The following PTPRD variants were observed in gnomAD, a reference collection of about 807,000 sequenced individuals.
The protein encoded by PTPRD is protein tyrosine phosphatase receptor type D.
PTPRD carries 34 observed loss-of-function variants against 214.5 expected under a neutral mutation model. The observed-to-expected ratio is 0.16, with a 90% CI of 0.12 to 0.21. The LOEUF is 0.21. Among genes scored for constraint, PTPRD ranks in the 10% least tolerant of loss-of-function variants. The pLI, the probability that PTPRD is intolerant of heterozygous loss-of-function variation, is 1.00. For synonymous variants in PTPRD, 1,128 were observed against 845.7 expected, an observed-to-expected ratio of 1.33 and a Z score of -5.79; for missense variants, 2,545 against 2,398.7, an observed-to-expected ratio of 1.06 and a Z score of -1.27.
chr9:9,956,125 A>G (rs901516972), intron 4 of PTPRD, among the ~76,000 whole-genome samples: 1 of 152,166 alleles, frequency 6.6e-6, no homozygotes, highest in Non-Finnish European at 1.5e-5. Flanking sequence ...AATCTAATAT[A>G]TGGTCTTCAT....
At chr9:9,763,245 C>T (rs2098676101) in intron 6 of PTPRD, among the ~76,000 whole-genome samples, 1 of 152,108 alleles carries the variant, frequency 6.6e-6, no homozygotes, top group Admixed American at 6.5e-5. Flanking sequence ...CATATGCATA[C>T]CCATGACATA....
At chr9:9,704,451 G>A (rs1052307820) in intron 7 of PTPRD, among the ~76,000 whole-genome samples, 1 of 152,114 alleles carries the variant, frequency 6.6e-6, no homozygotes, top group Non-Finnish European at 1.5e-5. Flanking sequence ...AATCTGGTTT[G>A]TCATTCCCCA....
At chr9:9,177,568 A>G (rs1434981454) in intron 10 of PTPRD, among the ~76,000 whole-genome samples, 5 of 152,260 alleles carry the variant, frequency 3.3e-5, no homozygotes, top group Non-Finnish European at 4.4e-5. Context: ...CTCAAATTAA[A>G]CTTAATTTTA....
rs1555212645 is a variant in PTPRD at position 9,310,920 on chromosome 9, G to GATAGATAA, written c.-203+86528_-203+86529insTTATCTAT. On this transcript the variant is annotated intron_variant, in intron 9 of 45. Transcript: ENST00000381196. The stretch of plus-strand genomic sequence containing the variant: ...GCAACAAGAGCAAAGCTGTGTCTCA[G>GATAGATAA]ATAAATAAATAAATAAATAAATAAA... 2.2e-5 allele frequency among the ~76,000 whole-genome samples: 3 copies of GATAGATAA among 138,448 alleles called. No individual in the cohort carries two copies. In the Admixed American group the frequency reaches 2.2e-4, roughly 10 times the overall value. 90.8% of individuals were successfully genotyped at this position (138,448 alleles called of 152,430 possible). A position where few individuals can be genotyped will look rare whatever the true frequency, so the allele number is the denominator to read the frequency against.
At chr9:9,577,783 C>G (rs534290353) in intron 7 of PTPRD, among the ~76,000 whole-genome samples, 3 of 151,700 alleles carry the variant, frequency 2.0e-5, no homozygotes, top group African/African-American at 7.3e-5. Flanking sequence ...CGGTGGCTCA[C>G]GCCTGTAATC....
intron 10 of PTPRD, among the ~76,000 whole-genome samples, chr9:9,099,242 G>C (rs768018171): frequency 1.7e-4 from 26 of 152,116 alleles, no homozygotes; most frequent in Non-Finnish European, 3.5e-4. Flanking sequence ...AACTATGTTG[G>C]TGATATTCTA....
intron 7 of PTPRD, among the ~76,000 whole-genome samples, chr9:9,599,711 C>T (rs1191670102): frequency 6.6e-6 from 1 of 151,944 alleles, no homozygotes; most frequent in African/African-American, 2.4e-5. Context: ...TTGCTATAAT[C>T]AGTATTTCTA....
intron 5 of PTPRD, among the ~76,000 whole-genome samples, chr9:9,897,909 G>A (rs540264501): frequency 6.6e-6 from 1 of 152,026 alleles, no homozygotes; most frequent in Non-Finnish European, 1.5e-5. Flanking sequence ...GGTCTCTGTT[G>A]CAACTGTTCA....
intron 34 of PTPRD, among the ~76,000 whole-genome samples, chr9:8,437,644 T>A (rs747140881): frequency 6.6e-6 from 1 of 152,134 alleles, no homozygotes. Flanking sequence ...CAGGTCCCCA[T>A]TATTCAACCC....
At chr9:9,009,567 T>C (rs529706351) in intron 11 of PTPRD, among the ~76,000 whole-genome samples, 3 of 151,914 alleles carry the variant, frequency 2.0e-5, no homozygotes, top group Admixed American at 1.3e-4. Flanking sequence ...AGCAAGTTGG[T>C]ATGGAGAAAA....
intron 9 of PTPRD, among the ~76,000 whole-genome samples, chr9:9,303,196 G>T (rs902501695): frequency 5.9e-5 from 9 of 151,948 alleles, no homozygotes; most frequent in African/African-American, 2.2e-4. Flanking sequence ...TTTGCCTTCA[G>T]TCCAGTTCCC....
At chr9:8,634,125 G>GA (rs2096351059) in intron 13 of PTPRD, among the ~76,000 whole-genome samples, 1 of 151,836 alleles carries the variant, frequency 6.6e-6, no homozygotes, top group Middle Eastern at 3.4e-3. Context: ...TCACCAGGCA[G>GA]AAAATTAATG....
chr9:9,729,807 C>A (rs1172336073), intron 7 of PTPRD, among the ~76,000 whole-genome samples: 2 of 151,892 alleles, frequency 1.3e-5, no homozygotes, highest in Admixed American at 1.3e-4. Context: ...GAGTATGATT[C>A]CTTCCTTTGG....
intron 2 of PTPRD, among the ~76,000 whole-genome samples, chr9:10,536,436 G>C (rs2057812834): frequency 6.6e-6 from 1 of 151,864 alleles, no homozygotes; most frequent in African/African-American, 2.4e-5. Context: ...ATTCGTTTTA[G>C]GTTAAAATCT....
intron 14 of PTPRD, among the ~76,000 whole-genome samples, chr9:8,547,785 T>C (rs546487483): frequency 2.0e-5 from 3 of 152,236 alleles, no homozygotes; most frequent in Admixed American, 2.0e-4. Context: ...CATATATAAT[T>C]ATGTGTGGAT....
At chr9:8,787,439 T>G (rs995252865) in intron 11 of PTPRD, among the ~76,000 whole-genome samples, 28 of 152,188 alleles carry the variant, frequency 1.8e-4, no homozygotes, top group Non-Finnish European at 1.3e-4. Flanking sequence ...TTAAAATTTT[T>G]TACCTTCTCA....
rs570489164 is a variant in PTPRD at position 9,998,855 on chromosome 9, G to A, written c.-472+34863C>T. Among the ~76,000 whole-genome samples, 126 of 152,246 alleles carry A rather than the reference G, an allele frequency of 8.3e-4. No individual in the cohort carries two copies. The Middle Eastern group carries it at 0.034, about 41-fold the overall frequency. On this transcript the variant is annotated intron_variant, in intron 4 of 45. Transcript: ENST00000381196. ...CTCTTTCCTGATTCTCCATGCTCAT[G>A]CTGCCATTTGGAAGAAAAGACATTT...
chr9:10,391,611 T>C (rs1306477570), intron 2 of PTPRD, among the ~76,000 whole-genome samples: 2 of 151,770 alleles, frequency 1.3e-5, no homozygotes, highest in Non-Finnish European at 2.9e-5. Context: ...AGTATAACCA[T>C]TGCTCAAACC....
chr9:9,146,485 T>A (rs183783802), intron 10 of PTPRD, among the ~76,000 whole-genome samples: 2 of 152,238 alleles, frequency 1.3e-5, no homozygotes, highest in African/African-American at 4.8e-5. Context: ...TACACTAAAA[T>A]TTGAGCACCA....
Sources: gnomAD v4.1 joint callset for allele counts (sites outside exome capture counted in the v4.1 genomes callset) on GRCh38, gnomAD v4.1.1 for gene constraint, MANE v1.5 for transcripts, NCBI Gene and HGNC (gene_info 2026-07-23, HGNC 2026-07-21) for gene names.